Variants in TAF3 observed in about 807,000 individuals in gnomAD.
TAF3 encodes transcription initiation factor TFIID subunit 3.
In TAF3, 7 loss-of-function variants were observed where a neutral mutation model predicts 80.6. The ratio of observed to expected loss-of-function variants is 0.09; its 90% confidence interval spans 0.05 to 0.16. TAF3 has a LOEUF of 0.16. TAF3 is among the 10% of genes least tolerant of loss of function. TAF3 has a pLI of 1.00. For synonymous variants in TAF3, 444 were observed against 446.1 expected (o/e 1.00, Z 0.06); for missense variants, 921 against 1,140.2 (o/e 0.81, Z 2.77).
intron 4 of TAF3, among the ~76,000 whole-genome samples, chr10:7,998,245 A>ATATATATATATATATG (rs1217476962): frequency 2.5e-5 from 2 of 79,994 alleles, no homozygotes; most frequent in African/African-American, 1.1e-4. Context: ...TGAGAACTAT[A>ATATATATATATATATG]TATATATATA....
At chr10:7,896,727 A>G (rs1837507869) in intron 2 of TAF3, among the ~76,000 whole-genome samples, 1 of 152,254 alleles carries the variant, frequency 6.6e-6, no homozygotes, top group Non-Finnish European at 1.5e-5. Context: ...CTACTACCAC[A>G]TGACAAATTA....
intron 2 of TAF3, among the ~76,000 whole-genome samples, chr10:7,849,856 T>C (rs1837010365): frequency 6.6e-6 from 1 of 152,058 alleles, no homozygotes; most frequent in South Asian, 2.1e-4. Flanking sequence ...ATTTGTGTAT[T>C]TTTTGTAGAT....
intron 4 of TAF3, among the ~76,000 whole-genome samples, chr10:7,980,155 G>T (rs1359160460): frequency 6.6e-6 from 1 of 152,096 alleles, no homozygotes; most frequent in Non-Finnish European, 1.5e-5. Context: ...TGAGCAGACT[G>T]GGATTCAAAA....
At chr10:7,990,311 A>G (rs1190241870) in intron 4 of TAF3, among the ~76,000 whole-genome samples, 8 of 152,218 alleles carry the variant, frequency 5.3e-5, no homozygotes, top group African/African-American at 1.9e-4. Context: ...GCCATGTTCT[A>G]GTTTTTTTTC....
intron 2 of TAF3, among the ~76,000 whole-genome samples, chr10:7,904,612 A>T (rs1438818556): frequency 6.6e-6 from 1 of 152,238 alleles, no homozygotes; most frequent in African/African-American, 2.4e-5. Context: ...AGATTTGCTG[A>T]TACGTAGATA....
chr10:7,848,345 A>G (rs1183441612), intron 2 of TAF3, among the ~76,000 whole-genome samples: 1 of 152,228 alleles, frequency 6.6e-6, no homozygotes, highest in Non-Finnish European at 1.5e-5. Context: ...TCAGTAATGG[A>G]ATGAAAAACT....
chr10:7,835,331 A>G (rs1055274981), intron 2 of TAF3, among the ~76,000 whole-genome samples: 3 of 150,050 alleles, frequency 2.0e-5, no homozygotes, highest in Non-Finnish European at 3.0e-5. Flanking sequence ...CTGTGGGTTG[A>G]CAAGCTTGCT....
chr10:7,870,535 A>G (rs909959493), intron 2 of TAF3, among the ~76,000 whole-genome samples: 20 of 152,110 alleles, frequency 1.3e-4, no homozygotes, highest in Admixed American at 9.8e-4. Context: ...TCATTTTTCT[A>G]TTGATTTCCA....
intron 2 of TAF3, among the ~76,000 whole-genome samples, chr10:7,928,751 A>G (rs1837840169): frequency 6.6e-6 from 1 of 152,136 alleles, no homozygotes; most frequent in Non-Finnish European, 1.5e-5. Flanking sequence ...CCTTTCTCTT[A>G]TCAAGTAATG....
chr10:7,902,411 G>A (rs992378421), intron 2 of TAF3, among the ~76,000 whole-genome samples: 2 of 151,874 alleles, frequency 1.3e-5, no homozygotes, highest in Non-Finnish European at 2.9e-5. Flanking sequence ...CAACAAGAGC[G>A]AAACTCTGTC....
At chr10:7,992,808 A>T (rs1393746820) in intron 4 of TAF3, among the ~76,000 whole-genome samples, 1 of 152,212 alleles carries the variant, frequency 6.6e-6, no homozygotes, top group African/African-American at 2.4e-5. Flanking sequence ...AAAATGATAC[A>T]CTTTCATCTG....
chr10:7,939,944 C>T (rs1196057897), intron 2 of TAF3, among the ~76,000 whole-genome samples: 4 of 151,936 alleles, frequency 2.6e-5, no homozygotes, highest in East Asian at 1.9e-4. Flanking sequence ...AGAAGAAAAA[C>T]GTATAAATCT....
At chr10:7,895,973 A>G (rs1238395309) in intron 2 of TAF3, among the ~76,000 whole-genome samples, 5 of 152,168 alleles carry the variant, frequency 3.3e-5, no homozygotes, top group African/African-American at 7.2e-5. Flanking sequence ...AAGTTGGGCC[A>G]GTGACTGTAA....
chr10:7,857,910 A>ATTTTTT (rs140922817), intron 2 of TAF3, among the ~76,000 whole-genome samples: 3 of 138,542 alleles, frequency 2.2e-5, no homozygotes, highest in East Asian at 4.3e-4. Flanking sequence ...AACATTTCTG[A>ATTTTTT]TTTTTTTTTT....
chr10:7,888,509 A>G (rs1256987819), intron 2 of TAF3, among the ~76,000 whole-genome samples: 1 of 151,792 alleles, frequency 6.6e-6, no homozygotes, highest in African/African-American at 2.4e-5. Context: ...GAGATCTTCT[A>G]AAGAAGATGT....
In TAF3 at chr10:7,858,622, G is replaced by A. The variant is rs533956461; in HGVS notation, c.409+34062G>A. Among the ~76,000 whole-genome samples, 36 of 152,302 alleles carry A rather than the reference G, an allele frequency of 2.4e-4. 1 individual carries two copies. In the East Asian group the frequency reaches 6.9e-3, roughly 29 times the overall value. On this transcript the variant is annotated intron_variant, in intron 2 of 6. Transcript: ENST00000344293. ...TTAACTAAGTTCAGTCTTTTTGTGT[G>A]TTCTGCCTGTCAATATATCTACTGT...
intron 2 of TAF3, among the ~76,000 whole-genome samples, chr10:7,954,543 T>C (rs77011306): frequency 4.7e-4 from 57 of 120,310 alleles, no homozygotes; most frequent in African/African-American, 7.4e-4. Context: ...GTGAATTAGT[T>C]CTAGTTAACA....
chr10:7,835,304 C>T (rs928010058), intron 2 of TAF3, among the ~76,000 whole-genome samples: 13 of 145,476 alleles, frequency 8.9e-5, no homozygotes, highest in Admixed American at 5.0e-4. Context: ...CGTCCTGGGC[C>T]GCATATGGCC....
intron 2 of TAF3, among the ~76,000 whole-genome samples, chr10:7,842,946 A>G (rs933319874): frequency 1.3e-5 from 2 of 152,222 alleles, no homozygotes; most frequent in African/African-American, 2.4e-5. Context: ...TACAGTAAAT[A>G]TATGCATTTG....
Sources: gnomAD v4.1 joint callset for allele counts (sites outside exome capture counted in the v4.1 genomes callset) on GRCh38, gnomAD v4.1.1 for gene constraint, MANE v1.5 for transcripts, NCBI Gene and HGNC (gene_info 2026-07-23, HGNC 2026-07-21) for gene names.